Variants in AGBL4 observed in about 807,000 individuals in gnomAD.
AGBL4 encodes the protein cytosolic carboxypeptidase 6.
Under a neutral mutation model 66.4 loss-of-function variants are expected in AGBL4, and 58 were observed. That is an observed-to-expected ratio of 0.87 (90% CI 0.71 to 1.09). The LOEUF (loss-of-function observed/expected upper bound fraction) is 1.09. AGBL4 is among the 50% of genes least tolerant of loss of function. AGBL4 has a pLI of 0.00. For missense variants in AGBL4, 579 were observed against 631.0 expected, an observed-to-expected ratio of 0.92 and a Z score of 0.88; for synonymous variants, 234 against 222.9, an observed-to-expected ratio of 1.05 and a Z score of -0.44.
intron 4 of AGBL4, among the ~76,000 whole-genome samples, chr1:49,133,264 G>T (rs1408724658): frequency 2.0e-5 from 3 of 152,090 alleles, no homozygotes; most frequent in Non-Finnish European, 4.4e-5. Flanking sequence ...GGGAGGGAGA[G>T]CATTCGGACA....
chr1:48,896,062 A>T (rs1651478724), intron 5 of AGBL4, among the ~76,000 whole-genome samples: 1 of 152,234 alleles, frequency 6.6e-6, no homozygotes, highest in Non-Finnish European at 1.5e-5. Flanking sequence ...CCTACTTCAC[A>T]GGGTTCTTGT....
At chr1:48,893,939 A>G (rs1249896366) in intron 5 of AGBL4, among the ~76,000 whole-genome samples, 4 of 152,138 alleles carry the variant, frequency 2.6e-5, no homozygotes, top group Non-Finnish European at 5.9e-5. Flanking sequence ...TGACTAAGAA[A>G]ATCATCTAAT....
chr1:49,042,184 G>A (rs1038424819), intron 5 of AGBL4, among the ~76,000 whole-genome samples: 1 of 151,912 alleles, frequency 6.6e-6, no homozygotes, highest in Non-Finnish European at 1.5e-5. Flanking sequence ...CCTCTCACAG[G>A]CTCTGAAGTA....
At chr1:49,843,580 C>T (rs190005011) in intron 2 of AGBL4, among the ~76,000 whole-genome samples, 18 of 152,290 alleles carry the variant, frequency 1.2e-4, no homozygotes, top group African/African-American at 4.1e-4. Context: ...GCCTCTTTTC[C>T]ACATTTAAGG....
At chr1:49,239,609 C>T in intron 4 of AGBL4, among the ~76,000 whole-genome samples, 1 of 151,986 alleles carries the variant, frequency 6.6e-6, no homozygotes, top group East Asian at 1.9e-4. Context: ...ATACATTTAG[C>T]TGTTTCCGTG....
intron 12 of AGBL4, among the ~76,000 whole-genome samples, chr1:48,537,076 A>G (rs549257296): frequency 2.5e-4 from 38 of 152,360 alleles, no homozygotes; most frequent in African/African-American, 8.9e-4. Context: ...TTTCCTTTAA[A>G]GCCAGACTGC....
chr1:49,764,363 A>G (rs1317247516), intron 2 of AGBL4, among the ~76,000 whole-genome samples: 1 of 152,142 alleles, frequency 6.6e-6, no homozygotes, highest in African/African-American at 2.4e-5. Context: ...GCCTAAACAC[A>G]GAGGCCTTCT....
chr1:48,905,074 T>C (rs963652392), intron 5 of AGBL4, among the ~76,000 whole-genome samples: 1 of 152,186 alleles, frequency 6.6e-6, no homozygotes, highest in South Asian at 2.1e-4. Flanking sequence ...TGGTGCAGAA[T>C]AGAATAGGAA....
chr1:48,682,863 G>T (rs533539188), intron 6 of AGBL4, among the ~76,000 whole-genome samples: 1 of 152,290 alleles, frequency 6.6e-6, no homozygotes, highest in Admixed American at 6.5e-5. Context: ...CACAACCCTT[G>T]TCTGCCTCAT....
intron 9 of AGBL4, among the ~76,000 whole-genome samples, chr1:48,622,630 C>T (rs1645434831): frequency 6.6e-6 from 1 of 151,770 alleles, no homozygotes; most frequent in African/African-American, 2.4e-5. Flanking sequence ...ACTACAGGCA[C>T]CCACCACCAT....
chr1:49,561,587 T>C (rs767219724), intron 3 of AGBL4, among the ~76,000 whole-genome samples: 1 of 152,086 alleles, frequency 6.6e-6, no homozygotes, highest in African/African-American at 2.4e-5. Context: ...GATAGTTTGC[T>C]GAGAATGATG....
At chr1:48,624,269 G>A (rs914237888) in intron 9 of AGBL4, among the ~76,000 whole-genome samples, 1 of 152,160 alleles carries the variant, frequency 6.6e-6, no homozygotes, top group Non-Finnish European at 1.5e-5. Context: ...GAATTATAGA[G>A]GTTTGAAAGT....
At chr1:48,816,176 G>C (rs957579856) in intron 6 of AGBL4, among the ~76,000 whole-genome samples, 1 of 151,884 alleles carries the variant, frequency 6.6e-6, no homozygotes, top group Admixed American at 6.6e-5. Flanking sequence ...TGTTGATTAT[G>C]GATTTTGCTA....
intron 3 of AGBL4, among the ~76,000 whole-genome samples, chr1:49,515,423 C>G (rs1040104700): frequency 2.0e-5 from 3 of 152,064 alleles, no homozygotes; most frequent in Admixed American, 2.0e-4. Flanking sequence ...AATAGGAACA[C>G]TTTTACACTG....
intron 4 of AGBL4, among the ~76,000 whole-genome samples, chr1:49,067,254 TG>T (rs1644508355): frequency 6.6e-6 from 1 of 152,200 alleles, no homozygotes; most frequent in Non-Finnish European, 1.5e-5. Context: ...GAGAAAAGCA[TG>T]GGAAGATGGA....
At chr1:48,566,956 C>T (rs774430575) in intron 11 of AGBL4, among the ~76,000 whole-genome samples, 1 of 152,152 alleles carries the variant, frequency 6.6e-6, no homozygotes, top group Non-Finnish European at 1.5e-5. Context: ...TGGAGATAAA[C>T]TGTCTCTACA....
chr1:49,028,610 A>C (rs1289579195), intron 5 of AGBL4, among the ~76,000 whole-genome samples: 10 of 152,286 alleles, frequency 6.6e-5, no homozygotes, highest in Non-Finnish European at 1.5e-4. Context: ...GAATTCCAAT[A>C]AGATTAATAG....
chr1:49,798,720 G>A (rs1644788970), intron 2 of AGBL4, among the ~76,000 whole-genome samples: 1 of 152,084 alleles, frequency 6.6e-6, no homozygotes, highest in Non-Finnish European at 1.5e-5. Flanking sequence ...TGCATCCAAA[G>A]AACTTTCTAT....
At chr1:48,818,253 A>G (rs1335411904) in intron 6 of AGBL4, 1 of 717,462 alleles carries the variant, frequency 1.4e-6, no homozygotes, top group East Asian at 2.7e-5. Context: ...CAAAGGCTGT[A>G]ATTTGCAATC....
Sources: gnomAD v4.1 joint callset for allele counts (sites outside exome capture counted in the v4.1 genomes callset) on GRCh38, gnomAD v4.1.1 for gene constraint, MANE v1.5 for transcripts, NCBI Gene and HGNC (gene_info 2026-07-23, HGNC 2026-07-21) for gene names.